EXOC6B: variants seen among roughly 807,000 people sequenced by gnomAD.
EXOC6B encodes exocyst complex component 6B.
EXOC6B carries 54 observed loss-of-function variants against 113.5 expected under a neutral mutation model. The ratio of observed to expected loss-of-function variants is 0.48; its 90% CI spans 0.38 to 0.60. The LOEUF is 0.60. EXOC6B is among the 20% of genes least tolerant of loss of function. The pLI, the probability that EXOC6B is intolerant of heterozygous loss-of-function variation, is 0.00. For missense variants in EXOC6B, 797 were observed against 977.5 expected (o/e 0.82, Z 2.46); for synonymous variants, 357 against 339.0 (o/e 1.05, Z -0.58).
At chr2:72,658,286 T>TAAAAAAAAAAAAAAAAAAAA (rs60572283) in intron 6 of EXOC6B, among the ~76,000 whole-genome samples, 3 of 58,726 alleles carry the variant, frequency 5.1e-5, no homozygotes, top group African/African-American at 7.4e-5. Context: ...TAAAAACTAG[T>TAAAAAAAAAAAAAAAAAAAA]AAAAAAAAAA....
In EXOC6B at chr2:72,496,507, T is replaced by C; in HGVS notation, c.1390A>G (p.Met464Val). Residue 464 changes from methionine (M) to valine (V), a missense_variant, in exon 14 of 22, where the codon ATG becomes GTG. Coordinates refer to ENST00000272427, the MANE Select transcript of EXOC6B (RefSeq NM_015189.3). The stretch of plus-strand genomic sequence containing the variant: ...AATTGTCCTACCACCTTTTTGTACA[T>C]CTCTTCACTTGTTACTGGTATAGGA... ...YSPIPVTSEE[M>V]YKKVVGQFPF... is the part of the protein sequence containing the mutation. The C allele has an allele frequency of 1.2e-6, 2 of 1,601,892 alleles. No individual in the cohort carries two copies. The highest frequency in any genetic ancestry group is 1.7e-6 in the Non-Finnish European group (2 of 1,172,592).
chr2:72,666,780 G>GACACACACACAC (rs71404724), intron 6 of EXOC6B, among the ~76,000 whole-genome samples: 14 of 81,160 alleles, frequency 1.7e-4, no homozygotes, highest in African/African-American at 4.0e-4. Flanking sequence ...ATTTACAATA[G>GACACACACACAC]ACACACACAC....
intron 6 of EXOC6B, among the ~76,000 whole-genome samples, chr2:72,582,264 C>A (rs1705270231): frequency 2.0e-5 from 3 of 152,060 alleles, no homozygotes; most frequent in Admixed American, 6.5e-5. Flanking sequence ...GTAATCCCAG[C>A]ACTTTGGGAG....
At chr2:72,795,729 G>A (rs1446041846) in intron 1 of EXOC6B, among the ~76,000 whole-genome samples, 1 of 152,182 alleles carries the variant, frequency 6.6e-6, no homozygotes, top group Non-Finnish European at 1.5e-5. Context: ...GGAAAATCAA[G>A]GTTACAGGTA....
chr2:72,648,780 T>C (rs1673937079), intron 6 of EXOC6B, among the ~76,000 whole-genome samples: 1 of 149,316 alleles, frequency 6.7e-6, no homozygotes, highest in African/African-American at 2.5e-5. Context: ...GTCATTATGT[T>C]AAATGAAATA....
At chr2:72,470,932 G>T (rs1325192287) in intron 17 of EXOC6B, among the ~76,000 whole-genome samples, 2 of 152,192 alleles carry the variant, frequency 1.3e-5, no homozygotes, top group African/African-American at 2.4e-5. Flanking sequence ...AACATACATG[G>T]GCGTGTATCT....
intron 20 of EXOC6B, among the ~76,000 whole-genome samples, chr2:72,307,928 T>A (rs1419994778): frequency 6.6e-6 from 1 of 152,188 alleles, no homozygotes; most frequent in Non-Finnish European, 1.5e-5. Context: ...AAAATCTGTA[T>A]CAGACAAATA....
At chr2:72,674,118 A>G (rs1241583408) in intron 6 of EXOC6B, among the ~76,000 whole-genome samples, 1 of 152,168 alleles carries the variant, frequency 6.6e-6, no homozygotes, top group Non-Finnish European at 1.5e-5. Context: ...GGATTCTATG[A>G]CTTTAAAGGT....
intron 8 of EXOC6B, among the ~76,000 whole-genome samples, chr2:72,551,063 T>C (rs189646672): frequency 1.3e-4 from 20 of 152,198 alleles, no homozygotes; most frequent in Non-Finnish European, 2.8e-4. Context: ...AATTTATTAA[T>C]TGTACTATGT....
intron 5 of EXOC6B, among the ~76,000 whole-genome samples, 176 bp downstream of exon 5, chr2:72,730,831 C>A (rs927582285): frequency 1.3e-5 from 2 of 151,964 alleles, no homozygotes; most frequent in Non-Finnish European, 2.9e-5. Context: ...TGACAGAACA[C>A]ATTAGCATAC....
intron 6 of EXOC6B, among the ~76,000 whole-genome samples, chr2:72,639,052 C>T (rs946598599): frequency 6.6e-6 from 1 of 152,178 alleles, no homozygotes; most frequent in Non-Finnish European, 1.5e-5. Flanking sequence ...TGTGACCATG[C>T]ACTATCTCAC....
intron 6 of EXOC6B, among the ~76,000 whole-genome samples, chr2:72,686,524 C>T (rs1677099654): frequency 6.6e-6 from 1 of 152,092 alleles, no homozygotes. Context: ...TTTTTTGAAA[C>T]AGGTAGTATG....
intron 18 of EXOC6B, among the ~76,000 whole-genome samples, chr2:72,409,520 T>C (rs998840001): frequency 5.3e-5 from 8 of 152,052 alleles, no homozygotes; most frequent in African/African-American, 1.9e-4. Context: ...ATATACACCA[T>C]GGAATACTAT....
intron 6 of EXOC6B, among the ~76,000 whole-genome samples, chr2:72,592,062 A>G (rs920661005): frequency 6.6e-6 from 1 of 152,092 alleles, no homozygotes; most frequent in African/African-American, 2.4e-5. Flanking sequence ...AAATGTGAAT[A>G]TAAATAATTG....
intron 19 of EXOC6B, among the ~76,000 whole-genome samples, chr2:72,350,333 G>A (rs934133417): frequency 1.3e-5 from 2 of 151,932 alleles, no homozygotes; most frequent in Non-Finnish European, 2.9e-5. Context: ...TCTAGGATTC[G>A]TTGATAACTT....
intron 20 of EXOC6B, among the ~76,000 whole-genome samples, chr2:72,325,038 AGT>A (rs1247792630): frequency 1.3e-5 from 2 of 152,136 alleles, no homozygotes; most frequent in Non-Finnish European, 2.9e-5. Context: ...ATTCTTAGCC[AGT>A]GTTACAGTAT....
At chr2:72,231,228 T>C (rs938058596) in intron 20 of EXOC6B, among the ~76,000 whole-genome samples, 2 of 152,108 alleles carry the variant, frequency 1.3e-5, no homozygotes, top group African/African-American at 4.8e-5. Flanking sequence ...TTAAAAGACC[T>C]GATTGCCAAA....
intron 5 of EXOC6B, among the ~76,000 whole-genome samples, chr2:72,726,794 A>G (rs1680324727): frequency 6.6e-6 from 1 of 152,184 alleles, no homozygotes; most frequent in South Asian, 2.1e-4. Context: ...AGATAGAAGG[A>G]ACCAGGAAAA....
intron 20 of EXOC6B, among the ~76,000 whole-genome samples, chr2:72,294,259 T>G (rs1685985702): frequency 6.6e-6 from 1 of 152,112 alleles, no homozygotes; most frequent in African/African-American, 2.4e-5. Flanking sequence ...CCTAAGAATT[T>G]AATGAACAAT....
Sources: gnomAD v4.1 joint callset for allele counts (sites outside exome capture counted in the v4.1 genomes callset) on GRCh38, gnomAD v4.1.1 for gene constraint, MANE v1.5 for transcripts, NCBI Gene and HGNC (gene_info 2026-07-23, HGNC 2026-07-21) for gene names.